PNN: variants seen among roughly 807,000 people sequenced by gnomAD.
PNN encodes the protein pinin, desmosome associated protein.
PNN carries 38 observed loss-of-function variants against 76.6 expected under a neutral mutation model. The ratio of observed to expected loss-of-function variants is 0.50; its 90% CI spans 0.38 to 0.65. The LOEUF is 0.65. Among genes scored for constraint, PNN ranks in the 30% least tolerant of loss-of-function variants. The pLI, the probability that PNN is intolerant of heterozygous loss-of-function variation, is 0.00. For missense variants in PNN, 873 were observed against 874.1 expected, an observed-to-expected ratio of 1.00 and a Z score of 0.02; for synonymous variants, 366 against 283.7, an observed-to-expected ratio of 1.29 and a Z score of -2.91.
chr14:39,177,553 C>T (rs776734753), intron 4 of PNN, 40 bp from the exon 5 acceptor site: 4 of 1,589,274 alleles, frequency 2.5e-6, no homozygotes, highest in African/African-American at 2.7e-5. Context: ...GCACACCACT[C>T]ATATGCTAGT....
chr14:39,175,464 G>A, intron 1 of PNN, 72 bp downstream of exon 1: 1 of 915,320 alleles, frequency 1.1e-6, no homozygotes, highest in South Asian at 1.4e-5. Flanking sequence ...AATTGGGGGC[G>A]GGGAGGGCGG....
At position 39,181,832 on chromosome 14, in the gene PNN, G is replaced by C; in HGVS notation, c.2123G>C (p.Arg708Pro). The C allele has an allele frequency of 6.2e-7, 1 of 1,600,444 alleles. No individual in the cohort carries two copies. The change falls in exon 9 of 9, where the codon CGA becomes CCA. Residue 708 changes from arginine (R) to proline (P), a missense_variant. Coordinates refer to ENST00000216832, the MANE Select transcript of PNN (RefSeq NM_002687.4). ...GKRSSRSERD[R>P]KSDRKDKRR is the part of the protein sequence containing the mutation. ...AGATCTTCAAGAAGTGAAAGAGACCGAAAATCAGACAGGAAAGACAAAAGG... is the reference window on the plus strand; with the variant it reads ...AGATCTTCAAGAAGTGAAAGAGACCCAAAATCAGACAGGAAAGACAAAAGG...
Position 39,181,638 on chromosome 14 carries a change from T to C in PNN, c.1929T>C (p.Asp643=), listed in dbSNP as rs779868628. 3 of 1,613,714 alleles carry C rather than the reference T, an allele frequency of 1.9e-6. No homozygotes were observed. The highest frequency in any genetic ancestry group is 2.5e-6 in the Non-Finnish European group (3 of 1,179,908). The change falls in exon 9 of 9, where the codon GAT becomes GAC. Residue 643 remains aspartate, a synonymous_variant. Coordinates refer to ENST00000216832, the MANE Select transcript of PNN (RefSeq NM_002687.4). ...GTAGGGGCCGGGGACATAATAGAGA[T>C]AGAAAGCACAGAAGGAGCGTGGATC... is the stretch of plus-strand genomic sequence containing the variant. ...SRSRGRGHNR[D]RKHRRSVDRK...
chr14:39,181,191 C>G lies in PNN; in HGVS notation c.1482C>G (p.Leu494=), dbSNP rs753951212. 4.3e-5 allele frequency: 70 copies of G among 1,610,576 alleles called. No homozygotes were observed. In the South Asian group the frequency reaches 7.6e-4, roughly 17 times the overall value. Residue 494 remains leucine (L), a synonymous_variant, in exon 9 of 9, where the codon CTC becomes CTG. Transcript: ENST00000216832. ...LQLQSQSQPV[L]QSQPPSQPED... The stretch of plus-strand genomic sequence containing the variant: ...TTCAATCCCAGTCCCAACCAGTACT[C>G]CAGTCCCAGCCTCCCTCTCAGCCTG...
At position 39,175,323 on chromosome 14, in the gene PNN, C is replaced by T; in HGVS notation, c.44C>T (p.Ala15Val). The T allele has an allele frequency of 6.2e-7, 1 of 1,611,590 alleles. No individual in the cohort carries two copies. The highest frequency in any genetic ancestry group is 1.3e-5 in the African/African-American group (1 of 74,878). The change falls in exon 1 of 9, where the codon GCC becomes GTC. Residue 15 changes from alanine to valine, a missense_variant. Physicochemically the swap from Ala to Val is moderately conservative, Grantham distance 64. This residue lies in a region of PNN where 156 missense variants were observed against 161.7 expected (regional missense o/e 0.96). Coordinates refer to ENST00000216832, the MANE Select transcript of PNN (RefSeq NM_002687.4). ...VRTLQEQLEKAKESLKNVDEN... is the reference protein window; with the variant it reads ...VRTLQEQLEKVKESLKNVDEN... ...ACTTTGCAGGAACAGCTGGAAAAGG[C>T]CAAAGAGAGTCTTAAGAACGTGGAT... is the stretch of plus-strand genomic sequence containing the variant.
chr14:39,181,809 A>G lies in PNN; in HGVS notation c.2100A>G (p.Arg700=). ...SISESSRSGK[R]SSRSERDRKS... is the part of the protein sequence containing the mutation. ...CAGAGAGTAGTCGATCAGGCAAAAG[A>G]TCTTCAAGAAGTGAAAGAGACCGAA... Residue 700 remains arginine (R), a synonymous_variant, in exon 9 of 9, where the codon AGA becomes AGG. Transcript: ENST00000216832. 6.2e-7 allele frequency: 1 copy of G among 1,610,406 alleles called. No homozygotes were observed. Among genetic ancestry groups the G allele is most frequent in the Non-Finnish European group, 8.5e-7 (1 of 1,179,192 alleles).
Position 39,181,315 on chromosome 14 carries a change from A to G in PNN, c.1606A>G (p.Lys536Glu), listed in dbSNP as rs1330788740. ...GAAGGATTTTCCTGTAGAGTCTGTA[A>G]AACTCACTGAGGTACCAGTAGAGCC... ...ERKDFPVESV[K>E]LTEVPVEPVL... The change falls in exon 9 of 9, where the codon AAA (lysine) becomes GAA (glutamate). Residue 536 changes from lysine to glutamate, a missense_variant. Coordinates refer to ENST00000216832, the MANE Select transcript of PNN (RefSeq NM_002687.4). The G allele has an allele frequency of 6.8e-6, 11 of 1,614,194 alleles. No homozygotes were observed. Among genetic ancestry groups the G allele is most frequent in the Non-Finnish European group, 9.3e-6 (11 of 1,179,998 alleles).
intron 8 of PNN, 57 bp downstream of exon 8, chr14:39,179,519 T>A: frequency 7.3e-7 from 1 of 1,366,820 alleles, no homozygotes; most frequent in South Asian, 1.3e-5. Context: ...AATATGTTCA[T>A]ATGCACACGT....
rs1278190031 is a variant in PNN at position 39,175,363 on chromosome 14, G to A, written c.84G>A (p.Lys28=). The A allele has an allele frequency of 6.2e-7, 1 of 1,611,936 alleles. No homozygotes were observed. Among genetic ancestry groups the A allele is most frequent in the Middle Eastern group, 1.7e-4 (1 of 5,782 alleles). ...AGAACGTGGATGAGAACATTCGCAAGCTCACCGGGCGGGATCCGAATGACG... is the reference window on the plus strand; with the variant it reads ...AGAACGTGGATGAGAACATTCGCAAACTCACCGGGCGGGATCCGAATGACG... ...SLKNVDENIR[K]LTGRDPNDVR... Residue 28 remains lysine (K), a synonymous_variant, in exon 1 of 9, where the codon AAG becomes AAA. Transcript: ENST00000216832.
In PNN at chr14:39,179,457, T is replaced by C; in HGVS notation, c.788T>C (p.Met263Thr). Residue 263 changes from methionine (M) to threonine (T), a missense_variant, in exon 8 of 9, where the codon ATG (methionine) becomes ACG (threonine). Physicochemically the swap from Met to Thr is moderately conservative, Grantham distance 81. Transcript: ENST00000216832. ...CTAATAGAAGAGTCACAGAGAAAAATGAACGGTAAGTATGCGAAGAGGTCC... is the reference window on the plus strand; with the variant it reads ...CTAATAGAAGAGTCACAGAGAAAAACGAACGGTAAGTATGCGAAGAGGTCC... ...QKLIEESQRK[M>T]NALFEGRRIE... 1 of 1,611,566 alleles carries C rather than the reference T, an allele frequency of 6.2e-7. No individual in the cohort carries two copies. The highest frequency in any genetic ancestry group is 8.5e-7 in the Non-Finnish European group (1 of 1,179,188).
In PNN at chr14:39,175,330, G is replaced by A. The variant is rs143676445; in HGVS notation, c.51G>A (p.Glu17=). 5 of 1,612,224 alleles carry A rather than the reference G, an allele frequency of 3.1e-6. No homozygotes were observed. The highest frequency in any genetic ancestry group is 4.2e-6 in the Non-Finnish European group (5 of 1,179,228). Reference sequence around the variant, plus strand: ...AGGAACAGCTGGAAAAGGCCAAAGAGAGTCTTAAGAACGTGGATGAGAACA... The same window carrying A: ...AGGAACAGCTGGAAAAGGCCAAAGAAAGTCTTAAGAACGTGGATGAGAACA... The part of the protein sequence containing the change: ...TLQEQLEKAK[E]SLKNVDENIR... Residue 17 remains glutamate, a synonymous_variant, in exon 1 of 9, where the codon GAG becomes GAA. Transcript: ENST00000216832.
rs763309606 is a variant in PNN, at chr14:39,179,484, T to C, written c.793+22T>C. The C allele has an allele frequency of 4.4e-6, 7 of 1,601,572 alleles. No individual in the cohort carries two copies. The South Asian group carries it at 4.4e-5, about 10-fold the overall frequency. On this transcript the variant is annotated intron_variant, in intron 8 of 8. Transcript: ENST00000216832. ...AACGGTAAGTATGCGAAGAGGTCCA[T>C]TGAATTGTTCATAGTGGGTAAGGTA...
chr14:39,180,050 A>G (rs1358754964), intron 8 of PNN, among the ~76,000 whole-genome samples: 1 of 152,010 alleles, frequency 6.6e-6, no homozygotes, highest in East Asian at 1.9e-4. Flanking sequence ...TTTTTTTTGC[A>G]TGCTATTATT....
rs547544978 is a variant in PNN, at chr14:39,182,652, A to C, written c.*789A>C. 1.3e-5 allele frequency: 2 copies of C among 152,648 alleles called. 1 individual carries two copies. Among genetic ancestry groups the C allele is most frequent in the South Asian group, 4.1e-4 (2 of 4,822 alleles). 9.5% of individuals were successfully genotyped at this position (152,648 alleles called of 1,614,324 possible). On this transcript the variant is annotated 3_prime_UTR_variant, in exon 9 of 9. Coordinates refer to ENST00000216832, the MANE Select transcript of PNN (RefSeq NM_002687.4). ...AAAATCACTTCTTTCTAGGGGAGGG[A>C]GGTAGAAAAGTATCTTTCAAACTTG... is the stretch of plus-strand genomic sequence containing the variant.
chr14:39,176,489 T>C (rs1233625172), intron 2 of PNN, 38 bp from the exon 3 acceptor site: 1 of 1,400,880 alleles, frequency 7.1e-7, no homozygotes, highest in Non-Finnish European at 1.0e-6. Context: ...ATTTATCTTG[T>C]ATTTCAAGTG....
intron 8 of PNN, among the ~76,000 whole-genome samples, chr14:39,179,788 G>A (rs2053256495): frequency 6.6e-6 from 1 of 151,922 alleles, no homozygotes; most frequent in African/African-American, 2.4e-5. Context: ...TGTAATTCCA[G>A]CTACTTGGCA....
chr14:39,180,093 A>G (rs1281594199), intron 8 of PNN, among the ~76,000 whole-genome samples: 1 of 152,206 alleles, frequency 6.6e-6, no homozygotes, highest in African/African-American at 2.4e-5. Flanking sequence ...ACAAATGTGA[A>G]AACCAACTCA....
intron 6 of PNN, among the ~76,000 whole-genome samples, 189 bp downstream of exon 6, chr14:39,178,105 G>A (rs997455784): frequency 2.0e-5 from 3 of 151,798 alleles, no homozygotes; most frequent in African/African-American, 7.3e-5. Context: ...TATAACAGTT[G>A]TTGATATCAT....
chr14:39,175,991 T>C, intron 1 of PNN, 87 bp from the exon 2 acceptor site: 1 of 717,700 alleles, frequency 1.4e-6, no homozygotes, highest in Non-Finnish European at 2.5e-6. Flanking sequence ...TGATTTTTTC[T>C]CCTTATGATC....
Sources: gnomAD v4.1 joint callset for allele counts (sites outside exome capture counted in the v4.1 genomes callset) on GRCh38, gnomAD v4.1.1 for gene constraint, gnomAD v4.1.1 regional missense constraint, MANE v1.5 for transcripts, NCBI Gene and HGNC (gene_info 2026-07-23, HGNC 2026-07-21) for gene names.